Variants in NATD1 observed in about 807,000 individuals in gnomAD.
The protein encoded by NATD1 is N-acetyltransferase domain containing 1.
In NATD1, 9 loss-of-function variants were observed where a neutral mutation model predicts 12.0. The ratio of observed to expected loss-of-function variants is 0.75; its 90% CI spans 0.45 to 1.30. NATD1 has a LOEUF of 1.30. Among genes scored for constraint, NATD1 ranks in the 50% most tolerant of loss-of-function variants. NATD1 has a pLI of 0.00. For synonymous variants in NATD1, 71 were observed against 65.9 expected, an observed-to-expected ratio of 1.08 and a Z score of -0.37; for missense variants, 148 against 148.5, an observed-to-expected ratio of 1.00 and a Z score of 0.02.
chr17:21,253,251 G>A lies in NATD1; in HGVS notation c.14C>T (p.Ala5Val), dbSNP rs1975396799. 1.0e-6 allele frequency: 1 copy of A among 996,392 alleles called. No homozygotes were observed. Among genetic ancestry groups the A allele is most frequent in the Non-Finnish European group, 1.2e-6 (1 of 838,528 alleles). The allele number at this position is 996,392 out of a possible 1,614,324, so 61.7% of individuals were successfully genotyped here. A position where few individuals can be genotyped will look rare whatever the true frequency, so the allele number is the denominator to read the frequency against. The change falls in exon 1 of 3, where the codon GCT (alanine) becomes GTT (valine). Residue 5 changes from alanine to valine, a missense_variant. Coordinates refer to ENST00000611551, the MANE Select transcript of NATD1 (RefSeq NM_152914.3). The part of the protein sequence containing the change: MAHS[A>V]AAVPLGALEQ... ...CAGCGCGCCCAGCGGCACGGCGGCA[G>A]CCGAGTGCGCCATCTGCGCGCGGGG... is the stretch of plus-strand genomic sequence containing the variant.
At chr17:21,247,231 G>A (rs962743895) in intron 1 of NATD1, among the ~76,000 whole-genome samples, 2 of 152,196 alleles carry the variant, frequency 1.3e-5, no homozygotes, top group Admixed American at 6.5e-5. Flanking sequence ...CCAGCTCGGC[G>A]TAGACACCCA....
At chr17:21,251,717 C>T (rs1297679778) in intron 1 of NATD1, among the ~76,000 whole-genome samples, 1 of 152,224 alleles carries the variant, frequency 6.6e-6, no homozygotes, top group Non-Finnish European at 1.5e-5. Flanking sequence ...GGAGATCTGG[C>T]AGAGGCCCCT....
At chr17:21,251,766 G>T (rs1000032782) in intron 1 of NATD1, among the ~76,000 whole-genome samples, 9 of 152,172 alleles carry the variant, frequency 5.9e-5, no homozygotes, top group African/African-American at 2.2e-4. Flanking sequence ...GAGCCCCACC[G>T]TTCAGGGAGT....
intron 1 of NATD1, among the ~76,000 whole-genome samples, chr17:21,249,120 G>T (rs1170982810): frequency 6.6e-6 from 1 of 152,090 alleles, no homozygotes; most frequent in African/African-American, 2.4e-5. Context: ...GGGGACAGGG[G>T]CAGGACCTCT....
chr17:21,247,366 C>A (rs1229320489), intron 1 of NATD1, among the ~76,000 whole-genome samples: 1 of 152,226 alleles, frequency 6.6e-6, no homozygotes, highest in Non-Finnish European at 1.5e-5. Context: ...CAGGCCTGCA[C>A]CTCAGGCTGT....
Position 21,244,195 on chromosome 17 carries a change from C to A in NATD1, c.136G>T (p.Glu46Ter). 6.2e-7 allele frequency: 1 copy of A among 1,613,126 alleles called. No homozygotes were observed. The change falls in exon 2 of 3, where the codon GAG becomes TAG. Residue 46 changes from glutamate to a stop codon, truncating the protein, a stop_gained. Coordinates refer to ENST00000611551, the MANE Select transcript of NATD1 (RefSeq NM_152914.3). LOFTEE classifies it high-confidence loss of function. The surrounding 1 kb of genome is among the most constrained non-coding windows in gnomAD (Gnocchi z 5.2). ...TCCACGATCCGCTTGCCCACGTACT[C>A]ATAGAGCAGGACGGCCCGGTCATGA... ...GCHDRAVLLYEYVGKRIVDLQ... is the reference protein window; with the variant it reads ...GCHDRAVLLY
intron 1 of NATD1, among the ~76,000 whole-genome samples, chr17:21,247,114 GC>G (rs1975332253): frequency 1.3e-5 from 2 of 152,312 alleles, no homozygotes; most frequent in South Asian, 4.1e-4. Context: ...TTCTGGAGTA[GC>G]CACCTGGGCC....
chr17:21,251,579 C>CCTAG (rs1221102496), intron 1 of NATD1, among the ~76,000 whole-genome samples: 8 of 152,184 alleles, frequency 5.3e-5, no homozygotes. Context: ...TCCTAAGGTC[C>CCTAG]CTAGCCTCAG....
At chr17:21,250,014 C>G (rs935781077) in intron 1 of NATD1, among the ~76,000 whole-genome samples, 13 of 152,224 alleles carry the variant, frequency 8.5e-5, no homozygotes, top group Non-Finnish European at 1.6e-4. Flanking sequence ...TTTGCAGTGC[C>G]TGGACTAGTA....
chr17:21,243,794 T>G (rs1425588004), intron 2 of NATD1, among the ~76,000 whole-genome samples: 1 of 152,130 alleles, frequency 6.6e-6, no homozygotes, highest in Non-Finnish European at 1.5e-5. Context: ...TGTAACTCCC[T>G]TCATTAAGCC....
At chr17:21,252,638 C>T (rs4985997) in intron 1 of NATD1, among the ~76,000 whole-genome samples, 49,505 of 151,664 alleles carry the variant, frequency 0.33, 8,490 homozygotes, top group African/African-American at 0.41. Flanking sequence ...GCCCCAGGTC[C>T]GCAGGCCTCC....
At chr17:21,249,488 TG>T (rs1975356756) in intron 1 of NATD1, among the ~76,000 whole-genome samples, 1 of 152,120 alleles carries the variant, frequency 6.6e-6, no homozygotes, top group African/African-American at 2.4e-5. Context: ...GGCCTCATAT[TG>T]GGGCTGTGAT....
At chr17:21,249,578 G>C (rs952650502) in intron 1 of NATD1, among the ~76,000 whole-genome samples, 1 of 152,232 alleles carries the variant, frequency 6.6e-6, no homozygotes, top group Non-Finnish European at 1.5e-5. Flanking sequence ...AGGGGCAGCA[G>C]CTGACTCTCT....
In NATD1 at chr17:21,244,428, A is replaced by G. The variant is rs1975308050; in HGVS notation, c.107-204T>C. Reference sequence around the variant, plus strand: ...ATAGGGTGGTTTGGAGGATTAAATGAGGTAACCTCTGTGACGTGCTTACAG... The same window carrying G: ...ATAGGGTGGTTTGGAGGATTAAATGGGGTAACCTCTGTGACGTGCTTACAG... On this transcript the variant is annotated intron_variant, in intron 1 of 2. Coordinates refer to ENST00000611551, the MANE Select transcript of NATD1 (RefSeq NM_152914.3). The surrounding 1 kb of genome is among the most constrained non-coding windows in gnomAD (Gnocchi z 5.2). Among the ~76,000 whole-genome samples, 1 of 152,134 alleles carries G rather than the reference A, an allele frequency of 6.6e-6. No individual in the cohort carries two copies. Among genetic ancestry groups the G allele is most frequent in the Non-Finnish European group, 1.5e-5 (1 of 68,026 alleles).
At chr17:21,246,827 G>T (rs1259716441) in intron 1 of NATD1, among the ~76,000 whole-genome samples, 4 of 152,200 alleles carry the variant, frequency 2.6e-5, no homozygotes, top group Non-Finnish European at 4.4e-5. Context: ...AGGACATGTG[G>T]GGTATGAGCC....
At chr17:21,250,126 C>T (rs1031466043) in intron 1 of NATD1, among the ~76,000 whole-genome samples, 8 of 152,242 alleles carry the variant, frequency 5.3e-5, no homozygotes, top group Admixed American at 1.3e-4. Context: ...TGCTCAGGAC[C>T]CTCCTGGGAG....
At position 21,241,881 on chromosome 17, in the gene NATD1, A is replaced by T. The variant is rs145514150; in HGVS notation, c.*1432T>A. ...GGTGCCAAGACTGGGGATAGCAAGGAGGTGAGTGGGAAATGCAACCACAGG... is the reference window on the plus strand; with the variant it reads ...GGTGCCAAGACTGGGGATAGCAAGGTGGTGAGTGGGAAATGCAACCACAGG... On this transcript the variant is annotated 3_prime_UTR_variant, in exon 3 of 3. Transcript: ENST00000611551. The T allele has an allele frequency of 3.2e-3, 495 of 152,644 alleles. No homozygotes were observed. The highest frequency in any genetic ancestry group is 0.011 in the African/African-American group (448 of 41,422). The allele number at this position is 152,644 out of a possible 1,614,324, so 9.5% of individuals were successfully genotyped here. A position where few individuals can be genotyped will look rare whatever the true frequency, so the allele number is the denominator to read the frequency against.
At position 21,244,684 on chromosome 17, in the gene NATD1, G is replaced by A. The variant is rs1285905138; in HGVS notation, c.107-460C>T. Among the ~76,000 whole-genome samples the A allele has an allele frequency of 6.6e-6, 1 of 152,180 alleles. No individual in the cohort carries two copies. Among genetic ancestry groups the A allele is most frequent in the African/African-American group, 2.4e-5 (1 of 41,432 alleles). On this transcript the variant is annotated intron_variant, in intron 1 of 2. Coordinates refer to ENST00000611551, the MANE Select transcript of NATD1 (RefSeq NM_152914.3). The surrounding 1 kb of genome is among the most constrained non-coding windows in gnomAD (Gnocchi z 5.2). ...AGAGGCAGCGCTGCGCCACGCATCAGGACCACCTGCTGGACCCTGAGAGAG... is the reference window on the plus strand; with the variant it reads ...AGAGGCAGCGCTGCGCCACGCATCAAGACCACCTGCTGGACCCTGAGAGAG...
chr17:21,253,377 G>A lies in NATD1; in HGVS notation c.-113C>T, dbSNP rs1175518114. ...AGGCGGCAGGCGGTGGGGTAGTTAC[G>A]GCCTGGGAGACCGCAGGCGGCGGCG... On this transcript the variant is annotated 5_prime_UTR_variant, in exon 1 of 3. Transcript: ENST00000611551. 3 of 255,892 alleles carry A rather than the reference G, an allele frequency of 1.2e-5. No individual in the cohort carries two copies. The highest frequency in any genetic ancestry group is 1.3e-4 in the South Asian group (1 of 7,534). 15.9% of individuals were successfully genotyped at this position (255,892 alleles called of 1,614,324 possible).
Sources: gnomAD v4.1 joint callset for allele counts (sites outside exome capture counted in the v4.1 genomes callset) on GRCh38, gnomAD v4.1.1 for gene constraint, Gnocchi (gnomAD v3.1) non-coding constraint, MANE v1.5 for transcripts, NCBI Gene and HGNC (gene_info 2026-07-23, HGNC 2026-07-21) for gene names.